GRM8: variants seen among roughly 807,000 people sequenced by gnomAD.
GRM8 encodes metabotropic glutamate receptor 8.
A neutral mutation model predicts 87.2 loss-of-function variants in GRM8; 47 were observed. The observed-to-expected ratio is 0.54, with a 90% confidence interval of 0.43 to 0.69. The LOEUF (loss-of-function observed/expected upper bound fraction) is 0.69. Ranked by LOEUF, GRM8 falls within the 30% of genes least tolerant of loss-of-function variation. The pLI, the probability that GRM8 is intolerant of heterozygous loss-of-function variation, is 0.00. For missense variants in GRM8, 1,019 were observed against 1,139.2 expected, an observed-to-expected ratio of 0.89 and a Z score of 1.52; for synonymous variants, 396 against 404.5, an observed-to-expected ratio of 0.98 and a Z score of 0.25.
intron 6 of GRM8, among the ~76,000 whole-genome samples, chr7:126,865,371 T>C (rs1375671170): frequency 2.0e-5 from 3 of 152,248 alleles, no homozygotes; most frequent in African/African-American, 7.2e-5. Context: ...TTAGGCTTTA[T>C]TCTTCTAATC....
intron 3 of GRM8, chr7:126,981,856 C>T (rs191445695): frequency 6.6e-6 from 1 of 151,758 alleles, no homozygotes; most frequent in Non-Finnish European, 1.5e-5. Flanking sequence ...ATACCTTTCT[C>T]AGGCAATCTG....
chr7:127,108,910 C>T (rs549007927), intron 2 of GRM8, among the ~76,000 whole-genome samples: 3 of 152,100 alleles, frequency 2.0e-5, no homozygotes, highest in South Asian at 2.1e-4. Flanking sequence ...TTTCACTCTA[C>T]AATAATACAC....
chr7:127,015,235 GA>G (rs1815505914), intron 3 of GRM8, among the ~76,000 whole-genome samples: 1 of 129,164 alleles, frequency 7.7e-6, no homozygotes, highest in African/African-American at 3.1e-5. Context: ...AGAAGAAGAA[GA>G]AGAAGAAGAA....
intron 8 of GRM8, among the ~76,000 whole-genome samples, chr7:126,567,670 A>G (rs1794349745): frequency 6.6e-6 from 1 of 152,180 alleles, no homozygotes; most frequent in Non-Finnish European, 1.5e-5. Flanking sequence ...TGCAAAAAAT[A>G]AAATAAAATA....
chr7:126,979,428 A>G lies in GRM8; in HGVS notation c.728-74745T>C, dbSNP rs555197198. On this transcript the variant is annotated intron_variant, in intron 3 of 10. Transcript: ENST00000339582. ...AGCTAAATACATAGAAGTATTTTTT[A>G]GTATCTGCTATACTTACAGTATTGA... is the stretch of plus-strand genomic sequence containing the variant. Among the ~76,000 whole-genome samples the G allele has an allele frequency of 2.6e-5, 4 of 152,342 alleles. No homozygotes were observed. In the South Asian group the frequency reaches 8.3e-4, roughly 32 times the overall value.
intron 9 of GRM8, among the ~76,000 whole-genome samples, chr7:126,460,573 G>A (rs1055177645): frequency 2.6e-5 from 4 of 151,492 alleles, no homozygotes; most frequent in Non-Finnish European, 4.4e-5. Context: ...TATTCCATAA[G>A]CTCTGTGATG....
chr7:126,866,436 T>C (rs1043172667), intron 6 of GRM8, among the ~76,000 whole-genome samples: 2 of 152,104 alleles, frequency 1.3e-5, no homozygotes, highest in African/African-American at 4.8e-5. Flanking sequence ...CATTTATCTA[T>C]TTTTTCCTTT....
At chr7:126,743,358 T>G (rs1337054802) in intron 7 of GRM8, among the ~76,000 whole-genome samples, 1 of 152,126 alleles carries the variant, frequency 6.6e-6, no homozygotes, top group Non-Finnish European at 1.5e-5. Flanking sequence ...AGGTAATGTC[T>G]CAGGAACACA....
At position 126,793,650 on chromosome 7, in the gene GRM8, T is replaced by C. The variant is rs1306937252; in HGVS notation, c.1157-23585A>G. ...ATCACAAGTCTCCTTAGAATAATAG[T>C]AGCCTTTTAACCTATAGAGTCACAA... On this transcript the variant is annotated intron_variant, in intron 6 of 10. Coordinates refer to ENST00000339582, the MANE Select transcript of GRM8 (RefSeq NM_000845.3). Among the ~76,000 whole-genome samples the C allele has an allele frequency of 2.0e-5, 3 of 152,344 alleles. No individual in the cohort carries two copies. In the East Asian group the frequency reaches 5.8e-4, roughly 29 times the overall value.
intron 2 of GRM8, among the ~76,000 whole-genome samples, chr7:127,242,376 CTTGT>C (rs1476782461): frequency 3.3e-5 from 5 of 151,926 alleles, no homozygotes; most frequent in Non-Finnish European, 5.9e-5. Flanking sequence ...TTCAAAAATG[CTTGT>C]TTAATTTAAA....
intron 2 of GRM8, among the ~76,000 whole-genome samples, chr7:127,234,536 C>G (rs1797875261): frequency 6.6e-6 from 1 of 152,196 alleles, no homozygotes. Flanking sequence ...ACTGTTAAAT[C>G]TCATTTTTGT....
At chr7:127,016,705 T>C (rs1217498325) in intron 3 of GRM8, among the ~76,000 whole-genome samples, 3 of 152,102 alleles carry the variant, frequency 2.0e-5, no homozygotes, top group East Asian at 1.9e-4. Context: ...TAATGTATGA[T>C]GTGTTCTCTC....
At chr7:126,880,403 A>T (rs1211601235) in intron 6 of GRM8, among the ~76,000 whole-genome samples, 2 of 152,204 alleles carry the variant, frequency 1.3e-5, no homozygotes, top group Non-Finnish European at 2.9e-5. Flanking sequence ...TCATCTGGAA[A>T]CTAAAAATTA....
chr7:127,121,492 G>A (rs768698977), intron 2 of GRM8, among the ~76,000 whole-genome samples: 2 of 152,156 alleles, frequency 1.3e-5, no homozygotes, highest in African/African-American at 2.4e-5. Flanking sequence ...GGGCTACAGT[G>A]AGCATCTCCG....
intron 3 of GRM8, among the ~76,000 whole-genome samples, chr7:127,040,171 G>C (rs1337555729): frequency 1.3e-5 from 2 of 151,688 alleles, no homozygotes; most frequent in African/African-American, 4.8e-5. Context: ...CAAGACTATA[G>C]AGGAGTCCTG....
At chr7:126,925,621 A>G (rs778907649) in intron 3 of GRM8, among the ~76,000 whole-genome samples, 4 of 152,224 alleles carry the variant, frequency 2.6e-5, no homozygotes, top group Non-Finnish European at 5.9e-5. Flanking sequence ...ACAAAAATCC[A>G]TAAATTATTA....
At chr7:126,518,413 G>A (rs531544544) in intron 9 of GRM8, among the ~76,000 whole-genome samples, 2 of 152,116 alleles carry the variant, frequency 1.3e-5, no homozygotes, top group Admixed American at 6.6e-5. Context: ...TATCTGCTGT[G>A]GGCTATACTT....
At chr7:126,590,120 T>A (rs1415392246) in intron 8 of GRM8, among the ~76,000 whole-genome samples, 4 of 148,508 alleles carry the variant, frequency 2.7e-5, no homozygotes, top group Non-Finnish European at 1.5e-5. Context: ...TTTCATGAAA[T>A]AAAAAAAAAA....
At chr7:126,790,013 CTT>C (rs566817323) in intron 6 of GRM8, among the ~76,000 whole-genome samples, 5 of 146,108 alleles carry the variant, frequency 3.4e-5, no homozygotes, top group Non-Finnish European at 1.5e-5. Context: ...TTCTCTCTCT[CTT>C]TTTTTTTTTT....
Sources: gnomAD v4.1 joint callset for allele counts (sites outside exome capture counted in the v4.1 genomes callset) on GRCh38, gnomAD v4.1.1 for gene constraint, MANE v1.5 for transcripts, NCBI Gene and HGNC (gene_info 2026-07-23, HGNC 2026-07-21) for gene names.